PAX2: variants seen among roughly 807,000 people sequenced by gnomAD.
The protein encoded by PAX2 is paired box 2.
A neutral mutation model predicts 41.7 loss-of-function variants in PAX2; 9 were observed. The observed-to-expected ratio is 0.22, with a 90% confidence interval of 0.13 to 0.38. The LOEUF is 0.38. Ranked by LOEUF, PAX2 falls within the 10% of genes least tolerant of loss-of-function variation. PAX2 has a pLI of 1.00. For synonymous variants in PAX2, 221 were observed against 212.7 expected, an observed-to-expected ratio of 1.04 and a Z score of -0.34; for missense variants, 418 against 531.6, an observed-to-expected ratio of 0.79 and a Z score of 2.10.
chr10:100,776,219 A>G (rs1193674836), intron 3 of PAX2, among the ~76,000 whole-genome samples: 1 of 152,118 alleles, frequency 6.6e-6, no homozygotes, highest in Non-Finnish European at 1.5e-5. Flanking sequence ...TTCTGAGGCA[A>G]TAGTCTCCGT....
chr10:100,739,872 C>A (rs1350870237), intron 1 of PAX2, among the ~76,000 whole-genome samples: 1 of 152,232 alleles, frequency 6.6e-6, no homozygotes, highest in Non-Finnish European at 1.5e-5. Context: ...AGCCTCCCTC[C>A]GACTCTCTCG....
upstream of PAX2, among the ~76,000 whole-genome samples, chr10:100,745,325 CCTCTTCCTTCGCCGGCTG>C: frequency 6.6e-6 from 1 of 151,548 alleles, no homozygotes; most frequent in Non-Finnish European, 1.5e-5. Context: ...CCCCTCCCTC[CCTCTTCCTTCGCCGGCTG>C]CTCCCTCCCT....
rs1056620398 is a variant in PAX2 at position 100,748,701 on chromosome 10, C to G, written c.44-1045C>G. 2.0e-6 allele frequency: 2 copies of G among 985,490 alleles called. No homozygotes were observed. The allele number at this position is 985,490 out of a possible 1,614,324, so 61.0% of individuals were successfully genotyped here. A position where few individuals can be genotyped will look rare whatever the true frequency, so the allele number is the denominator to read the frequency against. ...CCAGTGGCCGCCTCGGTTCCGAGAT[C>G]GGGAGCCCGCGCTGGAGCCGGGTTG... On this transcript the variant is annotated intron_variant, in intron 1 of 9. Transcript: ENST00000355243. This position sits in a 1 kb window ranked among gnomAD's most constrained non-coding sequence, Gnocchi z 5.0.
In PAX2 at chr10:100,748,957, C is replaced by T; in HGVS notation, c.44-789C>T. The T allele has an allele frequency of 1.0e-6, 1 of 985,394 alleles. No individual in the cohort carries two copies. The highest frequency in any genetic ancestry group is 1.2e-6 in the Non-Finnish European group (1 of 829,924). 61.0% of individuals were successfully genotyped at this position (985,394 alleles called of 1,614,324 possible). On this transcript the variant is annotated intron_variant, in intron 1 of 9. Coordinates refer to ENST00000355243, the MANE Select transcript of PAX2 (RefSeq NM_000278.5). The surrounding 1 kb of genome is among the most constrained non-coding windows in gnomAD (Gnocchi z 5.0). ...GGCGCGGCAGGCAGGCGAGCCCAAG[C>T]AGCCGGCATTCTCTGCCTGCTGCCT...
intron 5 of PAX2, among the ~76,000 whole-genome samples, chr10:100,786,787 G>A (rs1846885035): frequency 6.6e-6 from 1 of 152,320 alleles, no homozygotes; most frequent in East Asian, 1.9e-4. Context: ...GGAGACTAAG[G>A]CCCTTACAGC....
Position 100,750,002 on chromosome 10 carries a change from C to A in PAX2, c.212+88C>A. 1 of 1,462,676 alleles carries A rather than the reference C, an allele frequency of 6.8e-7. No homozygotes were observed. Among genetic ancestry groups the A allele is most frequent in the South Asian group, 1.2e-5 (1 of 82,298 alleles). The allele number at this position is 1,462,676 out of a possible 1,614,324, so 90.6% of individuals were successfully genotyped here. On this transcript the variant is annotated intron_variant, in intron 2 of 9. Coordinates refer to ENST00000355243, the MANE Select transcript of PAX2 (RefSeq NM_000278.5). This position sits in a 1 kb window ranked among gnomAD's most constrained non-coding sequence, Gnocchi z 4.1. The stretch of plus-strand genomic sequence containing the variant: ...CCAGCTGGAGGACGTGGCTAAAAGT[C>A]CAGCGTGCCAAGCCAGAGAGGGAGA...
intron 7 of PAX2, among the ~76,000 whole-genome samples, chr10:100,819,429 G>A (rs746556914): frequency 6.6e-6 from 1 of 151,878 alleles, no homozygotes; most frequent in Non-Finnish European, 1.5e-5. Context: ...AATTAGCCAG[G>A]CATGGTGACA....
chr10:100,784,118 A>C (rs1482264752), intron 5 of PAX2, among the ~76,000 whole-genome samples: 2 of 152,168 alleles, frequency 1.3e-5, no homozygotes, highest in African/African-American at 4.8e-5. Flanking sequence ...GGATGCTTCT[A>C]AGGAGCCAGG....
At chr10:100,801,683 C>A (rs1214653392) in intron 5 of PAX2, among the ~76,000 whole-genome samples, 1 of 152,234 alleles carries the variant, frequency 6.6e-6, no homozygotes, top group Non-Finnish European at 1.5e-5. Flanking sequence ...GTGCCACAGG[C>A]TGTAGCCTCC....
At chr10:100,760,294 G>T (rs1311273032) in intron 3 of PAX2, among the ~76,000 whole-genome samples, 1 of 152,224 alleles carries the variant, frequency 6.6e-6, no homozygotes, top group Non-Finnish European at 1.5e-5. Flanking sequence ...TAAAGGGATT[G>T]TTTGGTCCCA....
chr10:100,746,072 G>A lies in PAX2; in HGVS notation c.-189G>A. ...GCGGCTACTGCAGTTGCAAGCTCCG[G>A]CCAACCCGGAGGAGCCCCAGCGGGG... On this transcript the variant is annotated 5_prime_UTR_variant, in exon 1 of 10. Transcript: ENST00000355243. 3 of 1,487,924 alleles carry A rather than the reference G, an allele frequency of 2.0e-6. No homozygotes were observed. The highest frequency in any genetic ancestry group is 1.8e-6 in the Non-Finnish European group (2 of 1,128,518). The allele number at this position is 1,487,924 out of a possible 1,614,324, so 92.2% of individuals were successfully genotyped here. A position where few individuals can be genotyped will look rare whatever the true frequency, so the allele number is the denominator to read the frequency against.
At chr10:100,805,023 TACAC>T (rs3978747) in intron 5 of PAX2, among the ~76,000 whole-genome samples, 7,985 of 94,740 alleles carry the variant, frequency 0.084, 371 homozygotes, top group Admixed American at 0.12. Flanking sequence ...CTCTCTCACA[TACAC>T]ACACACACAC....
chr10:100,803,854 T>C (rs547444739), intron 5 of PAX2, among the ~76,000 whole-genome samples: 3 of 151,990 alleles, frequency 2.0e-5, no homozygotes, highest in Non-Finnish European at 2.9e-5. Context: ...GCTGCCTCTG[T>C]AACCTGTCTT....
Position 100,827,846 on chromosome 10 carries a change from G to T in PAX2, c.*227G>T, listed in dbSNP as rs1378778118. On this transcript the variant is annotated 3_prime_UTR_variant, in exon 10 of 10. Transcript: ENST00000355243. The surrounding 1 kb of genome is among the most constrained non-coding windows in gnomAD (Gnocchi z 8.5). ...CGGGACCCTCAGGCCCGGGCCCGCC[G>T]CCCCCAGCCCCGCCTGCCGCCCCTC... 8 of 585,962 alleles carry T rather than the reference G, an allele frequency of 1.4e-5. No individual in the cohort carries two copies. The highest frequency in any genetic ancestry group is 1.3e-4 in the Admixed American group (4 of 30,786). The allele number at this position is 585,962 out of a possible 1,614,324, so 36.3% of individuals were successfully genotyped here.
intron 3 of PAX2, among the ~76,000 whole-genome samples, chr10:100,758,615 G>A (rs1010171865): frequency 1.3e-5 from 2 of 152,228 alleles, no homozygotes; most frequent in Non-Finnish European, 2.9e-5. Flanking sequence ...AGAGGCTCCA[G>A]AATATGAGAT....
rs979310228 is a variant in PAX2, at chr10:100,748,998, C to G, written c.44-748C>G. On this transcript the variant is annotated intron_variant, in intron 1 of 9. Coordinates refer to ENST00000355243, the MANE Select transcript of PAX2 (RefSeq NM_000278.5). The surrounding 1 kb of genome is among the most constrained non-coding windows in gnomAD (Gnocchi z 5.0). ...CCTGCTGCCTGGAGCCGCTCTGCCTCCCTGTCTCTGAGCGCAGCAGACCCC... is the reference window on the plus strand; with the variant it reads ...CCTGCTGCCTGGAGCCGCTCTGCCTGCCTGTCTCTGAGCGCAGCAGACCCC... 5.5e-5 allele frequency: 54 copies of G among 985,336 alleles called. No homozygotes were observed. The African/African-American group carries it at 9.1e-4, about 17-fold the overall frequency. The allele number at this position is 985,336 out of a possible 1,614,324, so 61.0% of individuals were successfully genotyped here. A position where few individuals can be genotyped will look rare whatever the true frequency, so the allele number is the denominator to read the frequency against.
intron 3 of PAX2, among the ~76,000 whole-genome samples, chr10:100,754,374 T>C (rs973375033): frequency 6.6e-6 from 1 of 152,164 alleles, no homozygotes; most frequent in Non-Finnish European, 1.5e-5. Flanking sequence ...ACCTTCTAAC[T>C]TTTTTAGCTT....
At chr10:100,815,726 G>A (rs1355968672) in intron 7 of PAX2, among the ~76,000 whole-genome samples, 1 of 152,236 alleles carries the variant, frequency 6.6e-6, no homozygotes, top group Non-Finnish European at 1.5e-5. Context: ...TGGAAAAGAA[G>A]AGGCCCTAAT....
At chr10:100,773,944 A>G (rs1199812031) in intron 3 of PAX2, among the ~76,000 whole-genome samples, 1 of 152,148 alleles carries the variant, frequency 6.6e-6, no homozygotes, top group Non-Finnish European at 1.5e-5. Flanking sequence ...AGCTCCCAGG[A>G]ATCAATAAAC....
Sources: gnomAD v4.1 joint callset for allele counts (sites outside exome capture counted in the v4.1 genomes callset) on GRCh38, gnomAD v4.1.1 for gene constraint, Gnocchi (gnomAD v3.1) non-coding constraint, MANE v1.5 for transcripts, NCBI Gene and HGNC (gene_info 2026-07-23, HGNC 2026-07-21) for gene names.